The following RBBP4 variants were observed in gnomAD, a reference collection of about 807,000 sequenced individuals.
The protein encoded by RBBP4 is histone-binding protein RBBP4.
Under a neutral mutation model 57.2 loss-of-function variants are expected in RBBP4, and 3 were observed. That is an observed-to-expected ratio of 0.05 (90% CI 0.02 to 0.14). The LOEUF (loss-of-function observed/expected upper bound fraction) is 0.14. Among genes scored for constraint, RBBP4 ranks in the 10% least tolerant of loss-of-function variants. The pLI, the probability that RBBP4 is intolerant of heterozygous loss-of-function variation, is 1.00. For synonymous variants in RBBP4, 151 were observed against 171.5 expected (o/e 0.88, Z 0.93); for missense variants, 107 against 520.6 (o/e 0.21, Z 7.73).
intron 3 of RBBP4, among the ~76,000 whole-genome samples, chr1:32,661,151 C>T (rs191944555): frequency 2.0e-5 from 3 of 152,254 alleles, no homozygotes; most frequent in African/African-American, 4.8e-5. Flanking sequence ...TTGATGGACA[C>T]TTGGGTTGAT....
rs1279118502 is a variant in RBBP4 at position 32,668,975 on chromosome 1, A to G, written c.604A>G (p.Ile202Val). The change falls in exon 6 of 12, where the codon ATC becomes GTC. Residue 202 changes from isoleucine to valine, a missense_variant. By Grantham distance (29) the Ile-to-Val change is conservative. This residue lies in a region of RBBP4 where 92 missense variants were observed against 408.5 expected (regional missense o/e 0.23). Transcript: ENST00000373493. ...AATGGTTAATTTTACATTTAAGACC[A>G]TCTGCCTGTGGGACATCAGTGCCGT... Reference protein sequence around the residue: ...HLLSASDDHTICLWDISAVPK... With the variant: ...HLLSASDDHTVCLWDISAVPK... The G allele has an allele frequency of 1.9e-6, 3 of 1,614,128 alleles. No individual in the cohort carries two copies. The highest frequency in any genetic ancestry group is 3.3e-5 in the Admixed American group (2 of 60,014).
Position 32,684,257 on chromosome 1 carries a change from CTT to C in RBBP4, c.*4553_*4554del. On this transcript the variant is annotated 3_prime_UTR_variant, in exon 12 of 12. Transcript: ENST00000373493. ...AGATTTGTATAGCAGCAGAAACTGA[CTT>C]ATAAGTAGAGAGCTCTTCAGCAAGA... is the stretch of plus-strand genomic sequence containing the variant. The C allele has an allele frequency of 6.2e-7, 1 of 1,614,184 alleles. No individual in the cohort carries two copies. Among genetic ancestry groups the C allele is most frequent in the Non-Finnish European group, 8.5e-7 (1 of 1,180,030 alleles).
At chr1:32,654,594 A>G (rs1398277960) in intron 2 of RBBP4, among the ~76,000 whole-genome samples, 1 of 152,250 alleles carries the variant, frequency 6.6e-6, no homozygotes, top group Non-Finnish European at 1.5e-5. Context: ...GCAAGAATTA[A>G]AGACTTAATT....
In RBBP4 at chr1:32,682,051, G is replaced by A. The variant is rs774988570; in HGVS notation, c.*2346G>A. 3 of 573,882 alleles carry A rather than the reference G, an allele frequency of 5.2e-6. No homozygotes were observed. The highest frequency in any genetic ancestry group is 2.9e-5 in the East Asian group (1 of 34,562). The allele number at this position is 573,882 out of a possible 1,614,324, so 35.5% of individuals were successfully genotyped here. A position where few individuals can be genotyped will look rare whatever the true frequency, so the allele number is the denominator to read the frequency against. On this transcript the variant is annotated 3_prime_UTR_variant, in exon 12 of 12. Coordinates refer to ENST00000373493, the MANE Select transcript of RBBP4 (RefSeq NM_005610.3). ...ATGGTGATGGGAGGGATAGTTAAAC[G>A]TTTTCTCTGCTAGGTTAACTTCTTA...
chr1:32,679,153 C>T (rs1428780272), intron 11 of RBBP4, among the ~76,000 whole-genome samples: 6 of 152,034 alleles, frequency 3.9e-5, no homozygotes, highest in Admixed American at 3.9e-4. Flanking sequence ...AAAAATTAGC[C>T]AGGCGTAGTG....
rs1248564007 is a variant in RBBP4 at position 32,685,509 on chromosome 1, T to G, written c.*5804T>G. On this transcript the variant is annotated 3_prime_UTR_variant, in exon 12 of 12. Coordinates refer to ENST00000373493, the MANE Select transcript of RBBP4 (RefSeq NM_005610.3). ...CAGTTGTTGGGGTACATGCTATTAT[T>G]AGAAGGATCTAGATAATTTGTCCTC... The G allele has an allele frequency of 1.3e-5, 2 of 152,226 alleles. No individual in the cohort carries two copies. Among genetic ancestry groups the G allele is most frequent in the Admixed American group, 1.3e-4 (2 of 15,278 alleles). The allele number at this position is 152,226 out of a possible 1,614,324, so 9.4% of individuals were successfully genotyped here.
At chr1:32,656,443 C>G (rs918073666) in intron 2 of RBBP4, among the ~76,000 whole-genome samples, 1 of 152,138 alleles carries the variant, frequency 6.6e-6, no homozygotes, top group Non-Finnish European at 1.5e-5. Context: ...ACCTCTGCCT[C>G]CTGGGTTCAA....
chr1:32,679,726 A>G lies in RBBP4; in HGVS notation c.*21A>G, dbSNP rs1649295971. 6.2e-7 allele frequency: 1 copy of G among 1,612,482 alleles called. No individual in the cohort carries two copies. The highest frequency in any genetic ancestry group is 8.5e-7 in the Non-Finnish European group (1 of 1,179,336). On this transcript the variant is annotated 3_prime_UTR_variant, in exon 12 of 12. Transcript: ENST00000373493. The stretch of plus-strand genomic sequence containing the variant: ...CCTAGATATGTCTTTACTTGTTGTG[A>G]TTTTAGACTCCCCTTTTTTCTTCTC...
chr1:32,667,541 A>G (rs1648707280), intron 3 of RBBP4, among the ~76,000 whole-genome samples: 1 of 152,156 alleles, frequency 6.6e-6, no homozygotes, highest in Non-Finnish European at 1.5e-5. Context: ...GTGGTCCCCC[A>G]GGCTCAGGTG....
rs1366438855 is a variant in RBBP4, at chr1:32,657,404, G to C, written c.165-23G>C. 4 of 1,604,322 alleles carry C rather than the reference G, an allele frequency of 2.5e-6. No homozygotes were observed. In the South Asian group the frequency reaches 4.4e-5, roughly 18 times the overall value. On this transcript the variant is annotated intron_variant, in intron 2 of 11. Transcript: ENST00000373493. The stretch of plus-strand genomic sequence containing the variant: ...TCTCCTGATGTTACTAATTTGAACA[G>C]TGACTATATATTGCCGTTACAGACC...
chr1:32,651,355 T>C (rs1298369570), intron 1 of RBBP4, 33 bp downstream of exon 1: 3 of 1,436,774 alleles, frequency 2.1e-6, no homozygotes, highest in Non-Finnish European at 2.7e-6. Context: ...AGGAGGGCAG[T>C]GGGTGCCTGG....
At chr1:32,668,921 G>T in intron 5 of RBBP4, 51 bp from the exon 6 acceptor site, 1 of 1,612,768 alleles carries the variant, frequency 6.2e-7, no homozygotes, top group Non-Finnish European at 8.5e-7. Context: ...TTTGGGGTGT[G>T]TGGGGAGGTG....
rs1248662259 is a variant in RBBP4, at chr1:32,669,618, C to T, written c.966+55C>T. The T allele has an allele frequency of 2.4e-5, 38 of 1,557,918 alleles. No individual in the cohort carries two copies. The highest frequency in any genetic ancestry group is 2.2e-4 in the Admixed American group (11 of 49,172). On this transcript the variant is annotated intron_variant, in intron 8 of 11. Transcript: ENST00000373493. This position sits in a 1 kb window ranked among gnomAD's most constrained non-coding sequence, Gnocchi z 4.9. Reference sequence around the variant, plus strand: ...TGTTTTAAGAAAAACCTGCTGGGCGCGGTCGCTCACGCCTGTAATCCCAGC... The same window carrying T: ...TGTTTTAAGAAAAACCTGCTGGGCGTGGTCGCTCACGCCTGTAATCCCAGC...
Position 32,681,683 on chromosome 1 carries a change from A to C in RBBP4, c.*1978A>C. ...ATGTTCTGCCTCCGGCCAACTCTAG[A>C]ATCTTTTTAAGCAGGTCAGCCAGTA... On this transcript the variant is annotated 3_prime_UTR_variant, in exon 12 of 12. Coordinates refer to ENST00000373493, the MANE Select transcript of RBBP4 (RefSeq NM_005610.3). 1 of 1,022,746 alleles carries C rather than the reference A, an allele frequency of 9.8e-7. No individual in the cohort carries two copies. The highest frequency in any genetic ancestry group is 1.5e-6 in the Non-Finnish European group (1 of 675,370). 63.4% of individuals were successfully genotyped at this position (1,022,746 alleles called of 1,614,324 possible). A position where few individuals can be genotyped will look rare whatever the true frequency, so the allele number is the denominator to read the frequency against.
chr1:32,668,457 T>G, intron 4 of RBBP4, 59 bp downstream of exon 4: 1 of 1,451,602 alleles, frequency 6.9e-7, no homozygotes, highest in Non-Finnish European at 9.5e-7. Context: ...ATGGTTCCAC[T>G]CACTGTGAGT....
intron 8 of RBBP4, among the ~76,000 whole-genome samples, chr1:32,670,910 A>C (rs900234243): frequency 6.6e-6 from 1 of 152,088 alleles, no homozygotes; most frequent in African/African-American, 2.4e-5. Context: ...CTTATTTTCT[A>C]CTTTTCAGCC....
intron 2 of RBBP4, among the ~76,000 whole-genome samples, chr1:32,656,680 C>G (rs1034061867): frequency 8.2e-6 from 1 of 122,462 alleles, no homozygotes; most frequent in African/African-American, 2.7e-5. Flanking sequence ...GGTCAGGAAT[C>G]ATGTCTTAAT....
At chr1:32,664,477 G>A (rs1252778908) in intron 3 of RBBP4, among the ~76,000 whole-genome samples, 1 of 152,022 alleles carries the variant, frequency 6.6e-6, no homozygotes, top group Non-Finnish European at 1.5e-5. Flanking sequence ...TTTTGAGACA[G>A]AGTCTCACTC....
chr1:32,652,075 C>A lies in RBBP4; in HGVS notation c.164+14C>A. The A allele has an allele frequency of 6.2e-7, 1 of 1,601,678 alleles. No individual in the cohort carries two copies. Among genetic ancestry groups the A allele is most frequent in the African/African-American group, 1.3e-5 (1 of 74,278 alleles). On this transcript the variant is annotated intron_variant, in intron 2 of 11. Transcript: ENST00000373493. ...AGATGTAACCAGGTGACATGACTCT[C>A]CCGAACGTTATTTTGATGTATTTTC...
Sources: allele counts gnomAD v4.1 joint callset (sites outside exome capture counted in the v4.1 genomes callset), GRCh38; gene constraint gnomAD v4.1.1; regional missense constraint gnomAD v4.1.1; non-coding constraint Gnocchi (gnomAD v3.1); transcripts MANE v1.5; gene names NCBI Gene and HGNC (gene_info 2026-07-23, HGNC 2026-07-21).